The following STAMBPL1 variants were observed in gnomAD, a reference collection of about 807,000 sequenced individuals.
The protein encoded by STAMBPL1 is AMSH-like protease.
A neutral mutation model predicts 52.9 loss-of-function variants in STAMBPL1; 44 were observed. The ratio of observed to expected loss-of-function variants is 0.83; its 90% CI spans 0.65 to 1.07. STAMBPL1 has a LOEUF of 1.07. Among genes scored for constraint, STAMBPL1 ranks in the 50% least tolerant of loss-of-function variants. The pLI is 0.00. For missense variants in STAMBPL1, 511 were observed against 520.8 expected (o/e 0.98, Z 0.18); for synonymous variants, 164 against 177.3 (o/e 0.92, Z 0.60).
intron 7 of STAMBPL1, 25 bp downstream of exon 7, chr10:88,914,683 T>C: frequency 1.2e-6 from 1 of 838,220 alleles, no homozygotes; most frequent in Non-Finnish European, 1.6e-6. Flanking sequence ...TATAAATATA[T>C]ATATATATAT....
Position 88,913,093 on chromosome 10 carries a change from C to T in STAMBPL1, c.421-8C>T. On this transcript the variant is annotated splice_region_variant and splice_polypyrimidine_tract_variant and intron_variant, in intron 5 of 10. Transcript: ENST00000371926. ...CTAACCTTCTCTTCTGGCTGCCACACTTTTTAGAACAAATATAAAGCTGAA... is the reference window on the plus strand; with the variant it reads ...CTAACCTTCTCTTCTGGCTGCCACATTTTTTAGAACAAATATAAAGCTGAA... 6.4e-7 allele frequency: 1 copy of T among 1,564,512 alleles called. No individual in the cohort carries two copies. The highest frequency in any genetic ancestry group is 1.2e-5 in the South Asian group (1 of 82,502).
chr10:88,916,593 C>T lies in STAMBPL1; in HGVS notation c.904-87C>T, dbSNP rs1182350096. 3 of 1,382,638 alleles carry T rather than the reference C, an allele frequency of 2.2e-6. No individual in the cohort carries two copies. In the African/African-American group the frequency reaches 4.5e-5, roughly 21 times the overall value. The allele number at this position is 1,382,638 out of a possible 1,614,324, so 85.6% of individuals were successfully genotyped here. ...GGACACACCCCCCTGCTGGGGGACT[C>T]TTTAGTCTTAAACATTTCATTTCCT... On this transcript the variant is annotated intron_variant, in intron 7 of 10. Transcript: ENST00000371926.
intron 3 of STAMBPL1, among the ~76,000 whole-genome samples, chr10:88,905,880 G>A (rs991553223): frequency 2.0e-5 from 3 of 152,212 alleles, no homozygotes; most frequent in Non-Finnish European, 4.4e-5. Flanking sequence ...AGGAGGCTCA[G>A]GGTTATCAGA....
At chr10:88,920,700 GC>G (rs1845487855) in intron 8 of STAMBPL1, among the ~76,000 whole-genome samples, 1 of 152,020 alleles carries the variant, frequency 6.6e-6, no homozygotes, top group Admixed American at 6.5e-5. Flanking sequence ...TAGTTGCTAT[GC>G]GAGATTAGTC....
At chr10:88,887,666 G>A (rs149377959) in intron 1 of STAMBPL1, among the ~76,000 whole-genome samples, 4 of 152,206 alleles carry the variant, frequency 2.6e-5, no homozygotes, top group South Asian at 2.1e-4. Context: ...CTACAGGTGC[G>A]TGCTGCCACA....
In STAMBPL1 at chr10:88,913,263, C is replaced by A. The variant is rs909404951; in HGVS notation, c.583C>A (p.Arg195=). 1.9e-6 allele frequency: 3 copies of A among 1,613,818 alleles called. No homozygotes were observed. The highest frequency in any genetic ancestry group is 1.7e-4 in the Middle Eastern group (1 of 6,056). ...GCAAGAGTTAGCCCGAGGTCAAATG[C>A]GAAGTCAGCAAACCTCAGGGCTGTC... ...KKQELARGQM[R]SQQTSGLSEQ... is the part of the protein sequence containing the mutation. The change falls in exon 6 of 11, where the codon CGA becomes AGA. Residue 195 remains arginine, a synonymous_variant. Transcript: ENST00000371926.
At chr10:88,901,406 A>T in intron 1 of STAMBPL1, 1 of 273,304 alleles carries the variant, frequency 3.7e-6, no homozygotes, top group Non-Finnish European at 6.9e-6. Context: ...CAGCAGATTC[A>T]TACTGGGTGT....
intron 6 of STAMBPL1, 119 bp from the exon 7 acceptor site, chr10:88,914,415 A>G (rs1161716044): frequency 1.5e-6 from 1 of 672,352 alleles, no homozygotes; most frequent in Non-Finnish European, 2.2e-6. Flanking sequence ...GGAAAGTGGA[A>G]CACCTGATAC....
intron 1 of STAMBPL1, among the ~76,000 whole-genome samples, chr10:88,897,320 A>G (rs1844837072): frequency 1.3e-5 from 2 of 152,128 alleles, no homozygotes; most frequent in African/African-American, 4.8e-5. Context: ...TTCTGACACC[A>G]TGATTCCCCA....
At chr10:88,919,814 TA>T (rs1251110726) in intron 8 of STAMBPL1, among the ~76,000 whole-genome samples, 1 of 151,544 alleles carries the variant, frequency 6.6e-6, no homozygotes, top group African/African-American at 2.4e-5. Context: ...TTCATTCTAT[TA>T]AAGCCGAAAA....
intron 2 of STAMBPL1, among the ~76,000 whole-genome samples, chr10:88,903,700 G>C (rs952622354): frequency 3.3e-5 from 5 of 152,164 alleles, no homozygotes; most frequent in African/African-American, 4.8e-5. Context: ...AGTGTGGTTA[G>C]GGAAAAGTGG....
At chr10:88,881,040 C>G (rs573632673) in intron 1 of STAMBPL1, among the ~76,000 whole-genome samples, 6 of 151,898 alleles carry the variant, frequency 4.0e-5, no homozygotes, top group South Asian at 2.1e-4. Context: ...TGCACTGTCT[C>G]TAGCGGCGCG....
intron 1 of STAMBPL1, among the ~76,000 whole-genome samples, chr10:88,899,290 A>C (rs559477025): frequency 6.6e-6 from 1 of 152,284 alleles, no homozygotes; most frequent in African/African-American, 2.4e-5. Flanking sequence ...TATTGGAATG[A>C]CTGGGCCATA....
rs778188241 is a variant in STAMBPL1 at position 88,901,678 on chromosome 10, G to A, written c.-31G>A. The A allele has an allele frequency of 6.2e-7, 1 of 1,604,016 alleles. No homozygotes were observed. Among genetic ancestry groups the A allele is most frequent in the Admixed American group, 1.7e-5 (1 of 57,804 alleles). ...CAGATGAAGTGATTGAGAAGAAACA[G>A]TGAACATCCTCATTTCACAGATAAG... On this transcript the variant is annotated 5_prime_UTR_variant, in exon 2 of 11. It adds an upstream start codon to the 5' untranslated region. Coordinates refer to ENST00000371926, the MANE Select transcript of STAMBPL1 (RefSeq NM_020799.4).
intron 1 of STAMBPL1, among the ~76,000 whole-genome samples, chr10:88,900,901 T>C (rs1210546181): frequency 6.6e-6 from 1 of 152,180 alleles, no homozygotes; most frequent in African/African-American, 2.4e-5. Flanking sequence ...TGTATGATCA[T>C]TGGCAGAATT....
chr10:88,913,654 T>C (rs1466154206), intron 6 of STAMBPL1, among the ~76,000 whole-genome samples, 196 bp downstream of exon 6: 1 of 152,192 alleles, frequency 6.6e-6, no homozygotes, highest in Non-Finnish European at 1.5e-5. Context: ...TCAGGAAATA[T>C]GATGCCCCCG....
intron 1 of STAMBPL1, chr10:88,893,843 A>C (rs547050836): frequency 3.9e-5 from 6 of 152,298 alleles, no homozygotes; most frequent in African/African-American, 1.4e-4. Flanking sequence ...CTTCATTTCC[A>C]CAGTAAATTT....
At chr10:88,910,739 C>G (rs914015262) in intron 4 of STAMBPL1, among the ~76,000 whole-genome samples, 177 bp from the exon 5 acceptor site, 15 of 152,162 alleles carry the variant, frequency 9.9e-5, no homozygotes, top group African/African-American at 2.9e-4. Context: ...TGTTTCTTTC[C>G]TGCTGGAAAG....
At chr10:88,913,663 C>T (rs879552744) in intron 6 of STAMBPL1, among the ~76,000 whole-genome samples, 7 of 151,980 alleles carry the variant, frequency 4.6e-5, no homozygotes, top group East Asian at 1.9e-4. Context: ...ATGATGCCCC[C>T]GATAGAGCAG....
Sources: allele counts gnomAD v4.1 joint callset (sites outside exome capture counted in the v4.1 genomes callset), GRCh38; gene constraint gnomAD v4.1.1; transcripts MANE v1.5; gene names NCBI Gene and HGNC (gene_info 2026-07-23, HGNC 2026-07-21).